ABCG1: variants seen among roughly 807,000 people sequenced by gnomAD.
ABCG1 encodes the protein ATP binding cassette subfamily G member 1.
A neutral mutation model predicts 69.2 loss-of-function variants in ABCG1; 29 were observed. The observed-to-expected ratio is 0.42, with a 90% CI of 0.31 to 0.57. ABCG1 has a LOEUF of 0.57. Ranked by LOEUF, ABCG1 falls within the 20% of genes least tolerant of loss-of-function variation. The pLI is 0.15. For synonymous variants in ABCG1, 370 were observed against 374.8 expected, an observed-to-expected ratio of 0.99 and a Z score of 0.15; for missense variants, 718 against 898.1, an observed-to-expected ratio of 0.80 and a Z score of 2.56.
At position 42,294,532 on chromosome 21, in the gene ABCG1, C is replaced by G. The variant is rs2069165549; in HGVS notation, c.1654-10C>G. The G allele has an allele frequency of 6.2e-7, 1 of 1,611,294 alleles. No homozygotes were observed. The highest frequency in any genetic ancestry group is 1.7e-5 in the Admixed American group (1 of 60,006). Reference sequence around the variant, plus strand: ...TCTGCTACATCTGTCCTGTGTGCCCCCAACTCCAGGTGGCCACTTTCGTGG... The same window carrying G: ...TCTGCTACATCTGTCCTGTGTGCCCGCAACTCCAGGTGGCCACTTTCGTGG... On this transcript the variant is annotated splice_polypyrimidine_tract_variant and intron_variant, in intron 13 of 14. Transcript: ENST00000398449.
exon 2 of ABCG1, chr21:42,201,644 G>C: frequency 1.3e-6 from 2 of 1,596,606 alleles, no homozygotes; most frequent in East Asian, 4.5e-5. Flanking sequence ...AGACATCAGG[G>C]ATCACCGACT....
intron 2 of ABCG1, among the ~76,000 whole-genome samples, chr21:42,202,177 T>A (rs1266950238): frequency 6.6e-6 from 1 of 152,180 alleles, no homozygotes; most frequent in Non-Finnish European, 1.5e-5. Context: ...CTATTGAGTA[T>A]GGAGGCCAGG....
At chr21:42,275,460 A>C (rs1480727862) in intron 4 of ABCG1, among the ~76,000 whole-genome samples, 2 of 152,118 alleles carry the variant, frequency 1.3e-5, no homozygotes, top group Non-Finnish European at 2.9e-5. Context: ...TCTTGACCCT[A>C]ATGTTCACTG....
At chr21:42,264,798 A>G (rs1166691032) in intron 2 of ABCG1, among the ~76,000 whole-genome samples, 1 of 147,850 alleles carries the variant, frequency 6.8e-6, no homozygotes, top group Non-Finnish European at 1.5e-5. Flanking sequence ...GAGATAGAGG[A>G]GCGCTGTTTG....
intron 2 of ABCG1, among the ~76,000 whole-genome samples, chr21:42,252,897 A>C (rs189573732): frequency 2.6e-4 from 40 of 152,142 alleles, no homozygotes; most frequent in Admixed American, 1.6e-3. Flanking sequence ...TGTTGGGGCG[A>C]GTGAGGTTCT....
chr21:42,295,666 C>T (rs1030195500), intron 14 of ABCG1, among the ~76,000 whole-genome samples: 3 of 152,244 alleles, frequency 2.0e-5, no homozygotes, highest in African/African-American at 7.2e-5. Flanking sequence ...TACAGAGTTT[C>T]GACAATCTGC....
intron 7 of ABCG1, among the ~76,000 whole-genome samples, chr21:42,285,029 G>A (rs1161856978): frequency 6.6e-6 from 1 of 152,078 alleles, no homozygotes; most frequent in South Asian, 2.1e-4. Context: ...GCTGGGGAGT[G>A]GAAGCTGGTG....
chr21:42,263,191 A>G (rs2123697949), intron 2 of ABCG1, among the ~76,000 whole-genome samples: 1 of 152,336 alleles, frequency 6.6e-6, no homozygotes, highest in Middle Eastern at 3.4e-3. Flanking sequence ...CAAGTGGTAT[A>G]GCCCAGCCAC....
At chr21:42,279,872 G>A (rs1455957259) in intron 5 of ABCG1, among the ~76,000 whole-genome samples, 2 of 152,232 alleles carry the variant, frequency 1.3e-5, no homozygotes, top group African/African-American at 2.4e-5. Flanking sequence ...CACGGGACCC[G>A]AAGGCAGATG....
intron 5 of ABCG1, among the ~76,000 whole-genome samples, chr21:42,279,404 G>C (rs1028182908): frequency 1.3e-5 from 2 of 152,178 alleles, no homozygotes; most frequent in Admixed American, 1.3e-4. Context: ...TTGCTAACAC[G>C]GAGAGGCCCT....
rs369225857 is a variant in ABCG1, at chr21:42,230,029, G to A, written c.286+4115G>A. Among the ~76,000 whole-genome samples the A allele has an allele frequency of 1.8e-4, 28 of 152,316 alleles. 1 individual carries two copies. Among genetic ancestry groups the A allele is most frequent in the East Asian group, 5.8e-4 (3 of 5,194 alleles). On this transcript the variant is annotated intron_variant, in intron 2 of 14. Transcript: ENST00000398449. The stretch of plus-strand genomic sequence containing the variant: ...CCAGAATAACTTTATGAAGTCCTAC[G>A]TAATTATTTTAAAGAAGGAGAACTT...
At position 42,296,914 on chromosome 21, in the gene ABCG1, C is replaced by T. The variant is rs1274196282; in HGVS notation, c.*522C>T. 6.1e-6 allele frequency: 1 copy of T among 162,718 alleles called. No homozygotes were observed. The allele number at this position is 162,718 out of a possible 1,614,324, so 10.1% of individuals were successfully genotyped here. A position where few individuals can be genotyped will look rare whatever the true frequency, so the allele number is the denominator to read the frequency against. Reference sequence around the variant, plus strand: ...TCCAATGAGAAGTCATTTTTGCAAGCCAAAAGTCGATCAATCGCATTCATT... The same window carrying T: ...TCCAATGAGAAGTCATTTTTGCAAGTCAAAAGTCGATCAATCGCATTCATT... On this transcript the variant is annotated 3_prime_UTR_variant, in exon 15 of 15. Coordinates refer to ENST00000398449, the MANE Select transcript of ABCG1 (RefSeq NM_016818.3). This position sits in a 1 kb window ranked among gnomAD's most constrained non-coding sequence, Gnocchi z 5.4.
chr21:42,289,497 G>A (rs1405146162), intron 10 of ABCG1, among the ~76,000 whole-genome samples: 1 of 152,168 alleles, frequency 6.6e-6, no homozygotes, highest in Non-Finnish European at 1.5e-5. Flanking sequence ...ATGAGGATTG[G>A]GACGGGGGGT....
At chr21:42,261,907 G>A (rs930587093) in intron 2 of ABCG1, among the ~76,000 whole-genome samples, 2 of 152,208 alleles carry the variant, frequency 1.3e-5, no homozygotes, top group Non-Finnish European at 2.9e-5. Flanking sequence ...CCTGGTCCCA[G>A]CCCAGCCCAG....
At chr21:42,234,440 G>T (rs1295458292) in intron 2 of ABCG1, among the ~76,000 whole-genome samples, 2 of 152,210 alleles carry the variant, frequency 1.3e-5, no homozygotes, top group Non-Finnish European at 2.9e-5. Flanking sequence ...TTCTTTCATG[G>T]ATGCAGGTAT....
chr21:42,294,062 G>A lies in ABCG1; in HGVS notation c.1654-480G>A, dbSNP rs534036899. Among the ~76,000 whole-genome samples the A allele has an allele frequency of 5.9e-5, 9 of 152,074 alleles. No individual in the cohort carries two copies. In the South Asian group the frequency reaches 1.5e-3, roughly 25 times the overall value. On this transcript the variant is annotated intron_variant, in intron 13 of 14. Transcript: ENST00000398449. ...CTGTGCTCACTGTGAACCCTGAGTC[G>A]CGGCGGTTGCTTCGGTCTCTGGGCT... is the stretch of plus-strand genomic sequence containing the variant.
At position 42,296,428 on chromosome 21, in the gene ABCG1, CTG is replaced by C. The variant is rs1324889382; in HGVS notation, c.*39_*40del. On this transcript the variant is annotated 3_prime_UTR_variant, in exon 15 of 15. Coordinates refer to ENST00000398449, the MANE Select transcript of ABCG1 (RefSeq NM_016818.3). This position sits in a 1 kb window ranked among gnomAD's most constrained non-coding sequence, Gnocchi z 5.4. ...TGCCAGGAAACAGGAAGATTAGACA[CTG>C]TGGCCGAGGGCACGTCTAGAATCGA... 13 of 1,580,964 alleles carry C rather than the reference CTG, an allele frequency of 8.2e-6. No homozygotes were observed. The East Asian group carries it at 9.0e-5, about 11-fold the overall frequency.
chr21:42,220,156 C>A, intron 1 of ABCG1: 2 of 960,324 alleles, frequency 2.1e-6, no homozygotes, highest in South Asian at 1.6e-5. Context: ...TCACCTTATC[C>A]TAGCGCCCTT....
At chr21:42,238,069 G>C (rs1051085836) in intron 2 of ABCG1, among the ~76,000 whole-genome samples, 1 of 152,184 alleles carries the variant, frequency 6.6e-6, no homozygotes, top group African/African-American at 2.4e-5. Context: ...AATGTTACAG[G>C]TCAAATTTTG....
Sources: gnomAD v4.1 joint callset for allele counts (sites outside exome capture counted in the v4.1 genomes callset) on GRCh38, gnomAD v4.1.1 for gene constraint, Gnocchi (gnomAD v3.1) non-coding constraint, MANE v1.5 for transcripts, NCBI Gene and HGNC (gene_info 2026-07-23, HGNC 2026-07-21) for gene names.